Variants in NBAS observed in about 807,000 individuals in gnomAD.
NBAS encodes the protein NAG/BC035112 fusion.
In NBAS, 219 loss-of-function variants were observed where a neutral mutation model predicts 302.5. The ratio of observed to expected loss-of-function variants is 0.72; its 90% CI spans 0.65 to 0.81. The LOEUF (loss-of-function observed/expected upper bound fraction) is 0.81. Ranked by LOEUF, NBAS falls within the 30% of genes least tolerant of loss-of-function variation. The probability of loss-of-function intolerance (pLI) is 0.00; values close to 1 mark genes in which losing one functional copy is unlikely to be tolerated. For synonymous variants in NBAS, 1,118 were observed against 1,021.6 expected, an observed-to-expected ratio of 1.09 and a Z score of -1.80; for missense variants, 2,932 against 2,841.6, an observed-to-expected ratio of 1.03 and a Z score of -0.72.
rs368085185 is a variant in NBAS, at chr2:15,539,327, G to A, written c.409C>T (p.Arg137Trp). The A allele has an allele frequency of 2.1e-5, 34 of 1,614,042 alleles. No individual in the cohort carries two copies. The Middle Eastern group carries it at 4.9e-4, about 23-fold the overall frequency. Residue 137 changes from arginine to tryptophan, a missense_variant, in exon 7 of 52, where the codon CGG (arginine) becomes TGG (tryptophan). By Grantham distance (101) the Arg-to-Trp change is moderately radical. Transcript: ENST00000281513. ...VPKDPKPQWR[R>W]VAWSYDCTLL... ...GTACAATCGTAACTCCATGCTACCCGTCTCCACTGGGGTTTCGGGTCTTTC... is the reference window on the plus strand; with the variant it reads ...GTACAATCGTAACTCCATGCTACCCATCTCCACTGGGGTTTCGGGTCTTTC...
At chr2:15,559,012 C>G (rs987477737) in intron 1 of NBAS, among the ~76,000 whole-genome samples, 1 of 136,466 alleles carries the variant, frequency 7.3e-6, no homozygotes. Context: ...ACAGTGAGCC[C>G]TGATCATGCC....
downstream of NBAS, among the ~76,000 whole-genome samples, chr2:15,165,613 GTTATTC>G (rs376640084): frequency 2.8e-4 from 42 of 152,308 alleles, no homozygotes; most frequent in Middle Eastern, 3.4e-3. Flanking sequence ...GCGAAGCGAT[GTTATTC>G]TTAAATAGAT....
intron 44 of NBAS, among the ~76,000 whole-genome samples, chr2:15,269,349 T>C (rs1363462039): frequency 2.0e-5 from 3 of 152,214 alleles, no homozygotes; most frequent in Non-Finnish European, 4.4e-5. Context: ...TAAAAATTTT[T>C]ATTTTATTGA....
the NBAS span, among the ~76,000 whole-genome samples, chr2:14,853,041 C>G: frequency 6.7e-6 from 1 of 148,526 alleles, no homozygotes; most frequent in East Asian, 2.0e-4. Context: ...ACACCAAAAG[C>G]AATGGCAACA....
intron 38 of NBAS, among the ~76,000 whole-genome samples, chr2:15,325,383 A>T (rs1461232137): frequency 3.5e-5 from 3 of 86,634 alleles, no homozygotes. Flanking sequence ...CTTTATTGCT[A>T]AAAAAAAAGC....
At chr2:15,304,174 G>A (rs1974772) in intron 40 of NBAS, among the ~76,000 whole-genome samples, 82,825 of 152,006 alleles carry the variant, frequency 0.54, 24,105 homozygotes, top group East Asian at 0.85. Flanking sequence ...GAATCATGAG[G>A]GTGGTTTCCC....
the NBAS span, among the ~76,000 whole-genome samples, chr2:15,082,852 CTT>C: frequency 6.6e-6 from 1 of 152,206 alleles, no homozygotes; most frequent in Non-Finnish European, 1.5e-5. Flanking sequence ...GGAACTGAGA[CTT>C]TGAGGAGTCA....
chr2:15,493,127 C>T (rs1051284616), intron 11 of NBAS, among the ~76,000 whole-genome samples: 1 of 152,206 alleles, frequency 6.6e-6, no homozygotes, highest in Non-Finnish European at 1.5e-5. Flanking sequence ...CTCGTTCTAT[C>T]TCCTTCCTAT....
At chr2:15,388,691 T>TC (rs1355353266) in intron 28 of NBAS, among the ~76,000 whole-genome samples, 1 of 152,160 alleles carries the variant, frequency 6.6e-6, no homozygotes, top group East Asian at 1.9e-4. Flanking sequence ...TACAAATGTA[T>TC]TCATAGCAGT....
the NBAS span, among the ~76,000 whole-genome samples, chr2:15,094,868 G>A: frequency 6.6e-6 from 1 of 152,202 alleles, no homozygotes; most frequent in Non-Finnish European, 1.5e-5. Context: ...GGCATAGGGA[G>A]ATGAGGCAAG....
chr2:15,397,411 T>C (rs771166590), intron 26 of NBAS: 11 of 351,128 alleles, frequency 3.1e-5, no homozygotes, highest in Non-Finnish European at 5.7e-5. Flanking sequence ...ATAATCTGTC[T>C]GCATTATTTA....
At chr2:15,078,128 G>A in the NBAS span, among the ~76,000 whole-genome samples, 5 of 152,152 alleles carry the variant, frequency 3.3e-5, no homozygotes, top group Non-Finnish European at 7.3e-5. Flanking sequence ...GACTTGCTGA[G>A]GTTTAATGCT....
At chr2:15,374,464 T>C (rs1325889199) in intron 31 of NBAS, 144 bp downstream of exon 31, 12 of 689,114 alleles carry the variant, frequency 1.7e-5, no homozygotes, top group Non-Finnish European at 2.8e-5. Flanking sequence ...GAGATTTCAT[T>C]TAAAATAATG....
the NBAS span, among the ~76,000 whole-genome samples, chr2:15,098,655 ATATAT>A: frequency 0.044 from 5,247 of 119,666 alleles, 372 homozygotes; most frequent in African/African-American, 0.16. Context: ...ATTGTATATA[ATATAT>A]TATATACATT....
intron 50 of NBAS, among the ~76,000 whole-genome samples, chr2:15,184,277 T>C (rs1249652743): frequency 1.3e-5 from 2 of 152,120 alleles, no homozygotes; most frequent in African/African-American, 2.4e-5. Context: ...CCATGGACTA[T>C]GGAATAGTCC....
At chr2:15,236,988 A>T (rs998368434) in intron 45 of NBAS, among the ~76,000 whole-genome samples, 3 of 152,170 alleles carry the variant, frequency 2.0e-5, no homozygotes, top group Admixed American at 2.0e-4. Flanking sequence ...CATTACCTGA[A>T]GTCTCCACTG....
intron 40 of NBAS, among the ~76,000 whole-genome samples, chr2:15,304,294 GCCT>G (rs1379128365): frequency 2.7e-5 from 4 of 148,548 alleles, no homozygotes; most frequent in African/African-American, 9.7e-5. Flanking sequence ...GGAAGAAAGT[GCCT>G]TTCTTCCCCT....
At chr2:14,793,553 T>G in the NBAS span, among the ~76,000 whole-genome samples, 3 of 150,724 alleles carry the variant, frequency 2.0e-5, no homozygotes, top group East Asian at 5.9e-4. Context: ...ATAAGAAGAG[T>G]CTCAGGTATA....
chr2:15,028,069 A>G, the NBAS span, among the ~76,000 whole-genome samples: 1 of 152,304 alleles, frequency 6.6e-6, no homozygotes, highest in South Asian at 2.1e-4. Flanking sequence ...ATATTCATAA[A>G]TGCACAGTTT....
Sources: allele counts gnomAD v4.1 joint callset (sites outside exome capture counted in the v4.1 genomes callset), GRCh38; gene constraint gnomAD v4.1.1; transcripts MANE v1.5; gene names NCBI Gene and HGNC (gene_info 2026-07-23, HGNC 2026-07-21).